The following SVIL variants were observed in gnomAD, a reference collection of about 807,000 sequenced individuals.
SVIL encodes the protein supervillin.
SVIL carries 101 observed loss-of-function variants against 240.4 expected under a neutral mutation model. That is an observed-to-expected ratio of 0.42 (90% CI 0.36 to 0.50). The LOEUF is 0.50. Among genes scored for constraint, SVIL ranks in the 20% least tolerant of loss-of-function variants. SVIL has a pLI of 0.01. For missense variants in SVIL, 2,512 were observed against 2,818.7 expected (o/e 0.89, Z 2.46); for synonymous variants, 999 against 1,100.0 (o/e 0.91, Z 1.82).
chr10:29,706,979 T>C (rs966430129), intron 1 of SVIL, among the ~76,000 whole-genome samples: 1 of 152,210 alleles, frequency 6.6e-6, no homozygotes, highest in Admixed American at 6.5e-5. Context: ...GAGGTCTCTG[T>C]TCTGTTCCAT....
chr10:29,615,176 C>A (rs559102209), intron 1 of SVIL, among the ~76,000 whole-genome samples: 1 of 152,052 alleles, frequency 6.6e-6, no homozygotes, highest in Non-Finnish European at 1.5e-5. Flanking sequence ...AAGAAACAGA[C>A]CAAACAATTG....
intron 2 of SVIL, among the ~76,000 whole-genome samples, chr10:29,669,883 A>G (rs1185869497): frequency 6.6e-6 from 1 of 152,126 alleles, no homozygotes; most frequent in Non-Finnish European, 1.5e-5. Context: ...GGAGGCTGAG[A>G]TGAGAGGATC....
intron 1 of SVIL, among the ~76,000 whole-genome samples, chr10:29,734,484 GT>G (rs770786337): frequency 5.3e-4 from 80 of 152,202 alleles, no homozygotes; most frequent in Non-Finnish European, 1.1e-3. Context: ...TTAAGCCTCA[GT>G]TTCCTCATCT....
intron 1 of SVIL, among the ~76,000 whole-genome samples, chr10:29,588,918 C>T (rs1048032243): frequency 5.3e-5 from 8 of 152,086 alleles, no homozygotes; most frequent in Non-Finnish European, 7.4e-5. Flanking sequence ...CCCCCACCCC[C>T]CCTTTTATTC....
intron 1 of SVIL, among the ~76,000 whole-genome samples, chr10:29,698,952 G>T (rs74938434): frequency 2.0e-5 from 3 of 152,146 alleles, no homozygotes; most frequent in African/African-American, 4.8e-5. Context: ...AAAAGGAGCC[G>T]GCGGGCTGCA....
intron 35 of SVIL, 79 bp downstream of exon 35, chr10:29,463,412 GA>G: frequency 6.6e-7 from 1 of 1,508,716 alleles, no homozygotes. Context: ...CACAGAAGGG[GA>G]AGGGGGTCTC....
chr10:29,707,624 T>G (rs1372515428), intron 1 of SVIL, among the ~76,000 whole-genome samples: 1 of 152,158 alleles, frequency 6.6e-6, no homozygotes, highest in Non-Finnish European at 1.5e-5. Flanking sequence ...GCAGTGGTAA[T>G]TAATAAGACC....
chr10:29,569,028 A>G (rs1438929288), intron 2 of SVIL, among the ~76,000 whole-genome samples: 5 of 152,262 alleles, frequency 3.3e-5, no homozygotes, highest in Admixed American at 1.3e-4. Context: ...TAGTCCTTTA[A>G]AAGTTTGCAA....
intron 1 of SVIL, among the ~76,000 whole-genome samples, chr10:29,611,906 G>A (rs1957258712): frequency 6.6e-6 from 1 of 152,148 alleles, no homozygotes; most frequent in African/African-American, 2.4e-5. Flanking sequence ...CCAGAACCAG[G>A]GGGAGAATCT....
chr10:29,486,144 C>T lies in SVIL; in HGVS notation c.4720G>A (p.Val1574Ile), dbSNP rs756946614. ...CIYRLMDDKL[V>I]PDDDYWGKIP... ...TTCCCCCAGTAGTCGTCATCAGGAA[C>T]AAGTTTGTCATCCATGAGACGGTAA... Residue 1574 changes from valine to isoleucine, a missense_variant, in exon 26 of 38, where the codon GTT becomes ATT. By Grantham distance (29) the Val-to-Ile change is conservative (BLOSUM62 3). Around this residue, in one of 3 missense-constraint regions of SVIL, gnomAD observed 797 missense variants for 925.3 expected, o/e 0.86. Transcript: ENST00000355867. The T allele has an allele frequency of 2.5e-5, 41 of 1,614,060 alleles. No individual in the cohort carries two copies. The highest frequency in any genetic ancestry group is 3.5e-5 in the Non-Finnish European group (41 of 1,180,054).
At chr10:29,569,189 A>G (rs573262495) in intron 2 of SVIL, 66 bp downstream of exon 2, 458 of 762,794 alleles carry the variant, frequency 6.0e-4, no homozygotes, top group Middle Eastern at 5.4e-3. Flanking sequence ...GACATTCAAG[A>G]GAATAATTTT....
intron 1 of SVIL, chr10:29,711,929 A>G (rs1963316041): frequency 6.8e-6 from 1 of 146,410 alleles, no homozygotes. Flanking sequence ...CTAAAATTGG[A>G]ATGATATACT....
chr10:29,714,093 TAGAGAGTGGG>T, intron 1 of SVIL, among the ~76,000 whole-genome samples: 1 of 152,102 alleles, frequency 6.6e-6, no homozygotes, highest in Non-Finnish European at 1.5e-5. Flanking sequence ...AAATGAGGTT[TAGAGAGTGGG>T]AAGTTACTTG....
intron 2 of SVIL, among the ~76,000 whole-genome samples, chr10:29,666,292 G>C (rs1959283704): frequency 6.6e-6 from 1 of 152,116 alleles, no homozygotes; most frequent in Admixed American, 6.5e-5. Context: ...GAGGTAAAAA[G>C]GTTTTCACAA....
At chr10:29,736,330 T>C (rs1032453041), upstream of SVIL, among the ~76,000 whole-genome samples, 4 of 152,238 alleles carry the variant, frequency 2.6e-5, no homozygotes, top group African/African-American at 9.6e-5. Flanking sequence ...GTTTGTGTCC[T>C]GTGTCTCAGT....
At chr10:29,475,423 G>A (rs182525953) in intron 29 of SVIL, 1 of 152,292 alleles carries the variant, frequency 6.6e-6, no homozygotes, top group East Asian at 1.9e-4. Context: ...TCAATGAGCG[G>A]GGACTTCAGG....
intron 3 of SVIL, among the ~76,000 whole-genome samples, chr10:29,559,993 C>T (rs1454873596): frequency 6.6e-6 from 1 of 152,160 alleles, no homozygotes; most frequent in Non-Finnish European, 1.5e-5. Flanking sequence ...CTGGTTAAGA[C>T]ATTGTTGAGT....
At chr10:29,506,607 G>A (rs1444359451) in intron 17 of SVIL, among the ~76,000 whole-genome samples, 1 of 148,194 alleles carries the variant, frequency 6.7e-6, no homozygotes, top group African/African-American at 2.6e-5. Context: ...GGGGAGACAA[G>A]GCCCTAGAGG....
chr10:29,540,133 T>G (rs1471805368), intron 6 of SVIL, among the ~76,000 whole-genome samples: 1 of 152,154 alleles, frequency 6.6e-6, no homozygotes, highest in African/African-American at 2.4e-5. Context: ...TGCTTTGAAA[T>G]GTAAGGCAGA....
Sources: gnomAD v4.1 joint callset for allele counts (sites outside exome capture counted in the v4.1 genomes callset) on GRCh38, gnomAD v4.1.1 for gene constraint, gnomAD v4.1.1 regional missense constraint, MANE v1.5 for transcripts, NCBI Gene and HGNC (gene_info 2026-07-23, HGNC 2026-07-21) for gene names.